The following SIK2 variants were observed in gnomAD, a reference collection of about 807,000 sequenced individuals.
The protein encoded by SIK2 is serine/threonine-protein kinase SIK2.
SIK2 carries 29 observed loss-of-function variants against 103.2 expected under a neutral mutation model. That is an observed-to-expected ratio of 0.28 (90% CI 0.21 to 0.38). The LOEUF is 0.38. Among genes scored for constraint, SIK2 ranks in the 10% least tolerant of loss-of-function variants. SIK2 has a pLI of 1.00. For missense variants in SIK2, 879 were observed against 1,171.0 expected, an observed-to-expected ratio of 0.75 and a Z score of 3.64; for synonymous variants, 412 against 446.1, an observed-to-expected ratio of 0.92 and a Z score of 0.96.
At chr11:111,631,329 C>T (rs2135848952) in intron 3 of SIK2, among the ~76,000 whole-genome samples, 1 of 152,206 alleles carries the variant, frequency 6.6e-6, no homozygotes, top group East Asian at 1.9e-4. Flanking sequence ...ATATGATTGT[C>T]AGGGGATGAA....
chr11:111,668,170 A>G (rs1411971119), intron 3 of SIK2, among the ~76,000 whole-genome samples: 2 of 98,662 alleles, frequency 2.0e-5, no homozygotes, highest in African/African-American at 3.8e-5. Flanking sequence ...TGGAATAACT[A>G]AAGTAAGGAG....
chr11:111,615,299 A>T (rs1293895386), intron 1 of SIK2, among the ~76,000 whole-genome samples: 1 of 151,620 alleles, frequency 6.6e-6, no homozygotes, highest in Non-Finnish European at 1.5e-5. Context: ...AAAAAAAAAA[A>T]AAAAAGAAGA....
chr11:111,716,419 A>C (rs530480378), intron 9 of SIK2, among the ~76,000 whole-genome samples: 1 of 151,928 alleles, frequency 6.6e-6, no homozygotes, highest in South Asian at 2.1e-4. Flanking sequence ...TCTACTAAAA[A>C]TACAAAAATT....
chr11:111,717,032 C>T (rs985409027), intron 9 of SIK2, among the ~76,000 whole-genome samples: 1 of 152,018 alleles, frequency 6.6e-6, no homozygotes, highest in African/African-American at 2.4e-5. Flanking sequence ...AGCTCAACAG[C>T]GGCCGGGTGT....
At chr11:111,713,449 G>A (rs1943556050) in intron 9 of SIK2, among the ~76,000 whole-genome samples, 1 of 152,078 alleles carries the variant, frequency 6.6e-6, no homozygotes, top group Non-Finnish European at 1.5e-5. Flanking sequence ...TATAAAAGGA[G>A]AACACCAACT....
At chr11:111,693,124 G>A (rs1391021346) in intron 4 of SIK2, among the ~76,000 whole-genome samples, 2 of 152,020 alleles carry the variant, frequency 1.3e-5, no homozygotes, top group Non-Finnish European at 2.9e-5. Flanking sequence ...ACGAGGGCAG[G>A]ATTTCGAGAC....
chr11:111,717,491 G>A (rs1028464548), intron 9 of SIK2, among the ~76,000 whole-genome samples: 18 of 152,176 alleles, frequency 1.2e-4, no homozygotes, highest in African/African-American at 4.3e-4. Flanking sequence ...TACACTGTTA[G>A]TGGGAGTGTA....
intron 10 of SIK2, 56 bp from the exon 11 acceptor site, chr11:111,720,422 A>G: frequency 3.3e-6 from 5 of 1,500,994 alleles, no homozygotes; most frequent in South Asian, 2.6e-5. Context: ...TTTGTACCCT[A>G]TGTTCCAAGG....
chr11:111,611,834 T>C (rs149621923), intron 1 of SIK2, among the ~76,000 whole-genome samples: 1 of 152,350 alleles, frequency 6.6e-6, no homozygotes, highest in African/African-American at 2.4e-5. Flanking sequence ...TCTTATACTA[T>C]GTTGAGAACT....
intron 3 of SIK2, among the ~76,000 whole-genome samples, chr11:111,684,640 T>A (rs1390073408): frequency 6.6e-6 from 1 of 152,244 alleles, no homozygotes. Context: ...GTATTTATAG[T>A]GGACTTCCCA....
At chr11:111,712,882 G>A (rs1335958199) in intron 9 of SIK2, among the ~76,000 whole-genome samples, 1 of 152,104 alleles carries the variant, frequency 6.6e-6, no homozygotes. Flanking sequence ...TTAATGTGCT[G>A]GGCCAGGCAC....
At chr11:111,663,219 T>G (rs1259052710) in intron 3 of SIK2, among the ~76,000 whole-genome samples, 2 of 133,510 alleles carry the variant, frequency 1.5e-5, no homozygotes, top group African/African-American at 2.7e-5. Flanking sequence ...GGCAACAGAG[T>G]GAGACCCTAT....
chr11:111,646,094 G>A (rs1942252610), intron 3 of SIK2, among the ~76,000 whole-genome samples: 1 of 152,140 alleles, frequency 6.6e-6, no homozygotes, highest in Non-Finnish European at 1.5e-5. Context: ...GCACATGAGT[G>A]TATGTGTATA....
At chr11:111,667,176 T>A (rs914925787) in intron 3 of SIK2, among the ~76,000 whole-genome samples, 2 of 152,034 alleles carry the variant, frequency 1.3e-5, no homozygotes, top group Non-Finnish European at 2.9e-5. Context: ...CTCAAACTGC[T>A]GTCCTCTGGT....
intron 3 of SIK2, among the ~76,000 whole-genome samples, chr11:111,621,111 T>C (rs1302968084): frequency 3.3e-5 from 5 of 152,342 alleles, no homozygotes; most frequent in African/African-American, 9.6e-5. Context: ...ATGTAGTAAA[T>C]TACACGTATT....
chr11:111,675,605 G>C (rs979698808), intron 3 of SIK2, among the ~76,000 whole-genome samples: 5 of 152,096 alleles, frequency 3.3e-5, no homozygotes, highest in African/African-American at 1.2e-4. Flanking sequence ...AATAAACTAG[G>C]GCTTGACTTT....
At chr11:111,633,682 A>G (rs1211881211) in intron 3 of SIK2, among the ~76,000 whole-genome samples, 1 of 152,174 alleles carries the variant, frequency 6.6e-6, no homozygotes, top group Non-Finnish European at 1.5e-5. Flanking sequence ...TTTTTCTTCT[A>G]ACTCCCACAC....
At chr11:111,683,969 T>G (rs963280934) in intron 3 of SIK2, among the ~76,000 whole-genome samples, 1 of 152,150 alleles carries the variant, frequency 6.6e-6, no homozygotes, top group South Asian at 2.1e-4. Context: ...GCAGAAATCA[T>G]AAAGCATGGG....
rs1013844615 is a variant in SIK2, at chr11:111,690,956, G to A, written c.478+2794G>A. Among the ~76,000 whole-genome samples the A allele has an allele frequency of 3.9e-4, 59 of 152,170 alleles. 2 individuals are homozygous for A. The highest frequency in any genetic ancestry group is 3.9e-3 in the Admixed American group (59 of 15,276). ...TGTTCTAGGAGTTTTTTTAGGCAGA[G>A]AAAGGTTATAGGTGTGTAAATCATA... On this transcript the variant is annotated intron_variant, in intron 4 of 14. Coordinates refer to ENST00000304987, the MANE Select transcript of SIK2 (RefSeq NM_015191.3).
Sources: gnomAD v4.1 joint callset for allele counts (sites outside exome capture counted in the v4.1 genomes callset) on GRCh38, gnomAD v4.1.1 for gene constraint, MANE v1.5 for transcripts, NCBI Gene and HGNC (gene_info 2026-07-23, HGNC 2026-07-21) for gene names.